The following HK1 variants were observed in gnomAD, a reference collection of about 807,000 sequenced individuals.
The protein encoded by HK1 is hexokinase 1.
In HK1, 28 loss-of-function variants were observed where a neutral mutation model predicts 91.6. The observed-to-expected ratio is 0.31, with a 90% CI of 0.23 to 0.42. The LOEUF (loss-of-function observed/expected upper bound fraction) is 0.42, where lower values mean the gene tolerates loss of function less well. HK1 is among the 10% of genes least tolerant of loss of function. The probability of loss-of-function intolerance (pLI) is 1.00; values close to 1 mark genes in which losing one functional copy is unlikely to be tolerated. For synonymous variants in HK1, 430 were observed against 468.1 expected (o/e 0.92, Z 1.05); for missense variants, 770 against 1,219.8 (o/e 0.63, Z 5.49).
In HK1 at chr10:69,358,122, A is replaced by G. The variant is rs150864035; in HGVS notation, c.227-1775A>G. ...CATAGGATTGAGAGCTTGGTGGATC[A>G]TGTGCTGTGGAAGGCAGGGGTGGCC... On this transcript the variant is annotated intron_variant, in intron 2 of 17. Coordinates refer to ENST00000359426, the MANE Select transcript of HK1 (RefSeq NM_000188.3). Among the ~76,000 whole-genome samples, 469 of 152,300 alleles carry G rather than the reference A, an allele frequency of 3.1e-3. 2 individuals are homozygous for G. The highest frequency in any genetic ancestry group is 8.5e-3 in the South Asian group (41 of 4,820).
chr10:69,356,614 GT>G (rs1849142938), intron 2 of HK1, among the ~76,000 whole-genome samples: 1 of 152,200 alleles, frequency 6.6e-6, no homozygotes, highest in African/African-American at 2.4e-5. Context: ...GCCGGGTGCG[GT>G]GGCTCACGCC....
At chr10:69,301,853 C>T (rs1845890497) in intron 5 of HK1, among the ~76,000 whole-genome samples, 1 of 152,138 alleles carries the variant, frequency 6.6e-6, no homozygotes, top group Non-Finnish European at 1.5e-5. Context: ...CAGAAATTGA[C>T]AAGCTGCTTC....
chr10:69,277,474 G>A (rs1371680885), intron 1 of HK1, among the ~76,000 whole-genome samples: 1 of 152,144 alleles, frequency 6.6e-6, no homozygotes, highest in East Asian at 1.9e-4. Context: ...GGCTGAGGCA[G>A]GAGGATCACC....
At chr10:69,280,962 T>C (rs1461009168) in intron 1 of HK1, among the ~76,000 whole-genome samples, 1 of 152,230 alleles carries the variant, frequency 6.6e-6, no homozygotes, top group African/African-American at 2.4e-5. Context: ...TTTTGTCTCC[T>C]ACTCTCCACT....
intron 1 of HK1, among the ~76,000 whole-genome samples, chr10:69,325,464 T>C (rs1350596188): frequency 6.6e-6 from 1 of 151,588 alleles, no homozygotes; most frequent in Non-Finnish European, 1.5e-5. Flanking sequence ...TTCAAGCGAT[T>C]CTCCTGCCTC....
intron 5 of HK1, among the ~76,000 whole-genome samples, chr10:69,307,678 T>A (rs1048376272): frequency 1.3e-5 from 2 of 152,144 alleles, no homozygotes; most frequent in Non-Finnish European, 2.9e-5. Context: ...AGTATCCACC[T>A]CATTGTGTTG....
At chr10:69,379,725 AG>A (rs1338873035) in intron 8 of HK1, 136 bp from the exon 9 acceptor site, 2 of 753,858 alleles carry the variant, frequency 2.7e-6, no homozygotes, top group Non-Finnish European at 4.8e-6. Flanking sequence ...GGCATTTGAC[AG>A]TCTTCATCCC....
chr10:69,400,490 A>G (rs1840336745), intron 17 of HK1, among the ~76,000 whole-genome samples: 1 of 152,092 alleles, frequency 6.6e-6, no homozygotes, highest in East Asian at 1.9e-4. Flanking sequence ...GATGGGTGAT[A>G]TTCATTCCTG....
At chr10:69,327,693 A>G (rs1847462825) in intron 1 of HK1, among the ~76,000 whole-genome samples, 1 of 152,176 alleles carries the variant, frequency 6.6e-6, no homozygotes, top group African/African-American at 2.4e-5. Flanking sequence ...CATCGGAAGT[A>G]TGTGCAGGTT....
chr10:69,308,472 G>T (rs189528609), intron 5 of HK1, among the ~76,000 whole-genome samples: 3 of 152,118 alleles, frequency 2.0e-5, no homozygotes, highest in African/African-American at 7.2e-5. Context: ...GAGCAAGCAG[G>T]GGGTATGTGA....
At chr10:69,325,428 G>A (rs887504881) in intron 1 of HK1, among the ~76,000 whole-genome samples, 1 of 151,404 alleles carries the variant, frequency 6.6e-6, no homozygotes, top group Admixed American at 6.6e-5. Context: ...TGTGATCTCG[G>A]CTCATTGCAA....
At chr10:69,305,460 T>C (rs577411296) in intron 5 of HK1, among the ~76,000 whole-genome samples, 1 of 152,208 alleles carries the variant, frequency 6.6e-6, no homozygotes, top group South Asian at 2.1e-4. Context: ...CCTGGCCTAA[T>C]GTATATTTAA....
chr10:69,377,189 C>G (rs899483067), intron 8 of HK1, 100 bp downstream of exon 8: 1 of 1,402,326 alleles, frequency 7.1e-7, no homozygotes, highest in African/African-American at 1.4e-5. Context: ...GCTTTTCCTT[C>G]AAGAGTGTCA....
exon 5 of HK1, chr10:69,300,791 A>G: frequency 6.2e-7 from 1 of 1,608,458 alleles, no homozygotes; most frequent in South Asian, 1.1e-5. Flanking sequence ...TCTTGAGAGC[A>G]TCAGCCAGGA....
intron 7 of HK1, among the ~76,000 whole-genome samples, chr10:69,371,316 ACC>A (rs59530954): frequency 7.6e-6 from 1 of 131,218 alleles, no homozygotes; most frequent in Non-Finnish European, 1.6e-5. Context: ...TTTTTACCAT[ACC>A]CCCCCCCACC....
chr10:69,390,051 G>A (rs1839826355), intron 14 of HK1, among the ~76,000 whole-genome samples: 1 of 152,216 alleles, frequency 6.6e-6, no homozygotes, highest in African/African-American at 2.4e-5. Context: ...TGGCACCCCT[G>A]CTACTGGATC....
intron 5 of HK1, among the ~76,000 whole-genome samples, chr10:69,310,332 AATCGCCTGAACCC>A (rs1846310139): frequency 6.6e-6 from 1 of 151,510 alleles, no homozygotes; most frequent in Admixed American, 6.6e-5. Flanking sequence ...GAGGCATGAG[AATCGCCTGAACCC>A]ATCAGGCAGA....
rs1158008564 is a variant in HK1 at position 69,398,823 on chromosome 10, T to C, written c.2604T>C (p.His868=). 1.2e-6 allele frequency: 2 copies of C among 1,607,976 alleles called. No individual in the cohort carries two copies. Among genetic ancestry groups the C allele is most frequent in the African/African-American group, 2.7e-5 (2 of 74,788 alleles). ...VGVDGTLYKL[H]PHFSRIMHQT... ...TGGACGGGACACTCTACAAGCTTCA[T>C]CCACAGTGAGTGGGCCTTCCAGTTG... is the stretch of plus-strand genomic sequence containing the variant. Residue 868 remains histidine, a synonymous_variant, in exon 17 of 18, where the codon CAT becomes CAC. Transcript: ENST00000359426.
chr10:69,300,443 C>A, intron 4 of HK1: 1 of 784,114 alleles, frequency 1.3e-6, no homozygotes, highest in Non-Finnish European at 2.1e-6. Context: ...AAAAAGAATC[C>A]CAGGATTTTC....
Sources: allele counts gnomAD v4.1 joint callset (sites outside exome capture counted in the v4.1 genomes callset), GRCh38; gene constraint gnomAD v4.1.1; transcripts MANE v1.5; gene names NCBI Gene and HGNC (gene_info 2026-07-23, HGNC 2026-07-21).